PPTC7: variants seen among roughly 807,000 people sequenced by gnomAD.
PPTC7 encodes protein phosphatase PTC7 homolog.
Under a neutral mutation model 30.8 loss-of-function variants are expected in PPTC7, and 6 were observed. That is an observed-to-expected ratio of 0.19 (90% CI 0.11 to 0.38). PPTC7 has a LOEUF of 0.38. PPTC7 is among the 10% of genes least tolerant of loss of function. The pLI is 1.00. For synonymous variants in PPTC7, 163 were observed against 168.1 expected (o/e 0.97, Z 0.23); for missense variants, 218 against 404.8 (o/e 0.54, Z 3.96).
rs554118578 is a variant in PPTC7 at position 110,536,935 on chromosome 12, T to C, written c.*102A>G. 69 of 837,366 alleles carry C rather than the reference T, an allele frequency of 8.2e-5. No individual in the cohort carries two copies. Among genetic ancestry groups the C allele is most frequent in the African/African-American group, 5.4e-4 (32 of 59,654 alleles). 51.9% of individuals were successfully genotyped at this position (837,366 alleles called of 1,614,324 possible). A position where few individuals can be genotyped will look rare whatever the true frequency, so the allele number is the denominator to read the frequency against. ...GGCAAAAGACTTACATCACTGGCCA[T>C]TGAGATCAGTGGCAAAGAAATGTGG... On this transcript the variant is annotated 3_prime_UTR_variant, in exon 6 of 6. Coordinates refer to ENST00000354300, the MANE Select transcript of PPTC7 (RefSeq NM_139283.2).
chr12:110,536,680 T>C lies in PPTC7; in HGVS notation c.*357A>G, dbSNP rs916626700. On this transcript the variant is annotated 3_prime_UTR_variant, in exon 6 of 6. Coordinates refer to ENST00000354300, the MANE Select transcript of PPTC7 (RefSeq NM_139283.2). ...GACTTGTACCATCCCTTTAGCATAC[T>C]AGGATTTTGAATTCACTTTACCAAC... 5 of 230,964 alleles carry C rather than the reference T, an allele frequency of 2.2e-5. No individual in the cohort carries two copies. In the South Asian group the frequency reaches 5.6e-4, roughly 26 times the overall value. 14.3% of individuals were successfully genotyped at this position (230,964 alleles called of 1,614,324 possible).
chr12:110,553,897 C>A (rs1452794894), intron 1 of PPTC7, among the ~76,000 whole-genome samples: 1 of 152,176 alleles, frequency 6.6e-6, no homozygotes, highest in Admixed American at 6.5e-5. Context: ...CTCGCTCTGT[C>A]GCCCAGGCTG....
Position 110,536,760 on chromosome 12 carries a change from T to C in PPTC7, c.*277A>G. ...TGAAAAGTAACAGCCACGGTGGCAC[T>C]GAACACCTCCATCCCCATCATGGAA... On this transcript the variant is annotated 3_prime_UTR_variant, in exon 6 of 6. Transcript: ENST00000354300. 1 of 406,292 alleles carries C rather than the reference T, an allele frequency of 2.5e-6. No homozygotes were observed. The highest frequency in any genetic ancestry group is 4.3e-6 in the Non-Finnish European group (1 of 230,110). 25.2% of individuals were successfully genotyped at this position (406,292 alleles called of 1,614,324 possible).
At chr12:110,578,881 C>T (rs999482029) in intron 1 of PPTC7, among the ~76,000 whole-genome samples, 1 of 152,198 alleles carries the variant, frequency 6.6e-6, no homozygotes, top group African/African-American at 2.4e-5. Flanking sequence ...CACTGTGGCT[C>T]ACACCTGTAA....
chr12:110,552,843 A>G (rs1393380470), intron 1 of PPTC7, among the ~76,000 whole-genome samples: 3 of 152,136 alleles, frequency 2.0e-5, no homozygotes, highest in Non-Finnish European at 4.4e-5. Flanking sequence ...CAGCCTGGGC[A>G]ATGGGGCGAG....
intron 1 of PPTC7, among the ~76,000 whole-genome samples, chr12:110,566,939 G>C (rs1439587249): frequency 6.6e-6 from 1 of 152,166 alleles, no homozygotes; most frequent in Non-Finnish European, 1.5e-5. Flanking sequence ...GAAGGACTCT[G>C]AAGTAACCTT....
intron 1 of PPTC7, among the ~76,000 whole-genome samples, chr12:110,563,722 A>T (rs904509800): frequency 3.9e-5 from 6 of 152,256 alleles, no homozygotes; most frequent in African/African-American, 1.2e-4. Context: ...CAAACAAAAT[A>T]GTTAGCTATT....
intron 1 of PPTC7, among the ~76,000 whole-genome samples, chr12:110,575,607 C>CAAA (rs55831249): frequency 4.1e-4 from 11 of 26,518 alleles, no homozygotes; most frequent in Admixed American, 1.3e-3. Context: ...AACCCCACCT[C>CAAA]AAAAAAAAAA....
At chr12:110,562,229 G>A (rs2064443915) in intron 1 of PPTC7, among the ~76,000 whole-genome samples, 1 of 132,072 alleles carries the variant, frequency 7.6e-6, no homozygotes, top group African/African-American at 2.9e-5. Flanking sequence ...AGGTTGCACA[G>A]GGAGCTGAGA....
intron 1 of PPTC7, among the ~76,000 whole-genome samples, chr12:110,574,640 A>G (rs1461289250): frequency 1.3e-5 from 2 of 152,202 alleles, no homozygotes; most frequent in South Asian, 4.1e-4. Flanking sequence ...GAAATGAATA[A>G]TAAGTCGTGT....
intron 2 of PPTC7, among the ~76,000 whole-genome samples, chr12:110,548,858 AGT>A (rs1443780821): frequency 2.0e-5 from 3 of 152,144 alleles, no homozygotes; most frequent in African/African-American, 7.2e-5. Context: ...CTGGGCTTGG[AGT>A]GTACCCTCCT....
At chr12:110,556,263 T>C (rs56159960) in intron 1 of PPTC7, among the ~76,000 whole-genome samples, 6,425 of 152,170 alleles carry the variant, frequency 0.042, 184 homozygotes, top group Non-Finnish European at 0.062. Flanking sequence ...CAAATCTCTT[T>C]AGGGGAGAGA....
chr12:110,568,457 T>A (rs1048940167), intron 1 of PPTC7, among the ~76,000 whole-genome samples: 3 of 152,104 alleles, frequency 2.0e-5, no homozygotes, highest in African/African-American at 7.2e-5. Flanking sequence ...TTTCACCATG[T>A]TAGCCAGGAT....
intron 3 of PPTC7, among the ~76,000 whole-genome samples, chr12:110,541,200 GGTGAAACCCC>G (rs1239923804): frequency 6.7e-6 from 1 of 148,392 alleles, no homozygotes; most frequent in African/African-American, 2.5e-5. Context: ...TGACCAACAC[GGTGAAACCCC>G]GTCTCTACTA....
chr12:110,578,693 A>C lies in PPTC7; in HGVS notation c.223+4116T>G, dbSNP rs117855270. On this transcript the variant is annotated intron_variant, in intron 1 of 5. Coordinates refer to ENST00000354300, the MANE Select transcript of PPTC7 (RefSeq NM_139283.2). ...CTGTTACACGGATACTCAGTAATAA[A>C]TATGGTGTCAATTCAAAGAAAATTA... Among the ~76,000 whole-genome samples the C allele has an allele frequency of 3.0e-3, 458 of 152,374 alleles. 3 individuals are homozygous for C. The highest frequency in any genetic ancestry group is 4.4e-3 in the Non-Finnish European group (300 of 68,040).
In PPTC7 at chr12:110,582,955, G is replaced by GCCGA. The variant is rs1555216537; in HGVS notation, c.76_77insTCGG (p.Ala26ValfsTer25). ...GTAGTCGCCGCCGCCGCCGCCGCCG[G>GCCGA]CCCTGGGGTCGGTCTGCGAGAGGCC... On this transcript the variant is annotated frameshift_variant, in exon 1 of 6. Coordinates refer to ENST00000354300, the MANE Select transcript of PPTC7 (RefSeq NM_139283.2). LOFTEE classifies it high-confidence loss of function. 2.0e-6 allele frequency: 3 copies of GCCGA among 1,532,194 alleles called. No individual in the cohort carries two copies. The South Asian group carries it at 3.6e-5, about 18-fold the overall frequency. The allele number at this position is 1,532,194 out of a possible 1,614,324, so 94.9% of individuals were successfully genotyped here. A position where few individuals can be genotyped will look rare whatever the true frequency, so the allele number is the denominator to read the frequency against.
chr12:110,545,452 T>C (rs930819307), intron 3 of PPTC7, among the ~76,000 whole-genome samples: 10 of 152,176 alleles, frequency 6.6e-5, no homozygotes, highest in African/African-American at 2.4e-4. Flanking sequence ...TAGTAAGAGG[T>C]CTAGAGAATC....
At chr12:110,564,088 C>A (rs2064460606) in intron 1 of PPTC7, among the ~76,000 whole-genome samples, 1 of 152,208 alleles carries the variant, frequency 6.6e-6, no homozygotes, top group Non-Finnish European at 1.5e-5. Flanking sequence ...ACTGGTCTGC[C>A]TTCCACAAAC....
chr12:110,544,980 G>T (rs558421108), intron 3 of PPTC7, among the ~76,000 whole-genome samples: 3 of 152,138 alleles, frequency 2.0e-5, no homozygotes, highest in East Asian at 3.9e-4. Flanking sequence ...TAAAAGACAG[G>T]GTGTCACTAT....
Sources: allele counts gnomAD v4.1 joint callset (sites outside exome capture counted in the v4.1 genomes callset), GRCh38; gene constraint gnomAD v4.1.1; transcripts MANE v1.5; gene names NCBI Gene and HGNC (gene_info 2026-07-23, HGNC 2026-07-21).